CDYL2: variants seen among roughly 807,000 people sequenced by gnomAD.
CDYL2 encodes chromodomain Y like 2, also known as chromodomain Y-like protein 2.
Under a neutral mutation model 49.4 loss-of-function variants are expected in CDYL2, and 23 were observed. The observed-to-expected ratio is 0.47, with a 90% confidence interval of 0.34 to 0.66. The LOEUF is 0.66. Among genes scored for constraint, CDYL2 ranks in the 30% least tolerant of loss-of-function variants. The pLI is 0.01. For synonymous variants in CDYL2, 360 were observed against 268.8 expected, an observed-to-expected ratio of 1.34 and a Z score of -3.32; for missense variants, 678 against 656.4, an observed-to-expected ratio of 1.03 and a Z score of -0.36.
intron 1 of CDYL2, among the ~76,000 whole-genome samples, chr16:80,731,894 T>C (rs976237491): frequency 7.1e-6 from 1 of 141,584 alleles, no homozygotes; most frequent in Non-Finnish European, 1.5e-5. Flanking sequence ...ACCCAACACA[T>C]AAGAGATGCA....
chr16:80,619,963 G>T (rs1046317018), intron 4 of CDYL2, among the ~76,000 whole-genome samples: 1 of 152,174 alleles, frequency 6.6e-6, no homozygotes, highest in African/African-American at 2.4e-5. Context: ...CTGACTTGTG[G>T]CCTGAGGCTC....
At chr16:80,620,408 C>T (rs950608492) in intron 4 of CDYL2, among the ~76,000 whole-genome samples, 5 of 152,106 alleles carry the variant, frequency 3.3e-5, no homozygotes, top group African/African-American at 1.2e-4. Context: ...AGGCAAGGGG[C>T]GGGAGTAGTG....
chr16:80,758,133 G>C (rs572132288), intron 1 of CDYL2, among the ~76,000 whole-genome samples: 149 of 152,156 alleles, frequency 9.8e-4, no homozygotes, highest in Middle Eastern at 6.8e-3. Flanking sequence ...CTTAATTGTT[G>C]GTAAATGTGA....
intron 2 of CDYL2, among the ~76,000 whole-genome samples, chr16:80,645,386 G>A (rs1287309540): frequency 6.6e-6 from 1 of 152,170 alleles, no homozygotes; most frequent in Non-Finnish European, 1.5e-5. Context: ...ATGAAAAAAT[G>A]CTCATCATCA....
intron 3 of CDYL2, among the ~76,000 whole-genome samples, chr16:80,623,883 G>C (rs1305519135): frequency 2.0e-5 from 3 of 152,182 alleles, no homozygotes; most frequent in Non-Finnish European, 4.4e-5. Context: ...TACGGGAGCA[G>C]CAGGAAATGA....
At chr16:80,727,194 T>C (rs933729361) in intron 1 of CDYL2, among the ~76,000 whole-genome samples, 33 of 152,234 alleles carry the variant, frequency 2.2e-4, no homozygotes, top group African/African-American at 7.7e-4. Flanking sequence ...ACCGGGTTCA[T>C]CTCACTAGGG....
At chr16:80,657,691 T>C (rs1908868501) in intron 2 of CDYL2, among the ~76,000 whole-genome samples, 1 of 152,138 alleles carries the variant, frequency 6.6e-6, no homozygotes, top group African/African-American at 2.4e-5. Flanking sequence ...ATTATCTTCA[T>C]TGTGGGGGAG....
chr16:80,742,987 T>C (rs961749605), intron 1 of CDYL2, among the ~76,000 whole-genome samples: 3 of 113,880 alleles, frequency 2.6e-5, no homozygotes, highest in African/African-American at 1.0e-4. Flanking sequence ...GATAGGTGAG[T>C]ACAAAGATGA....
chr16:80,755,916 C>T (rs931449300), intron 1 of CDYL2, among the ~76,000 whole-genome samples: 2 of 152,108 alleles, frequency 1.3e-5, no homozygotes, highest in African/African-American at 4.8e-5. Flanking sequence ...CCTAAAACTG[C>T]TCTAAAATAA....
chr16:80,640,631 G>C (rs1219520182), intron 2 of CDYL2, among the ~76,000 whole-genome samples: 2 of 152,164 alleles, frequency 1.3e-5, no homozygotes, highest in East Asian at 3.8e-4. Flanking sequence ...TGGAGCAAGG[G>C]AGATATGTGA....
chr16:80,659,773 C>T (rs1284219983), intron 2 of CDYL2, among the ~76,000 whole-genome samples: 1 of 151,750 alleles, frequency 6.6e-6, no homozygotes, highest in Non-Finnish European at 1.5e-5. Context: ...AAATATCCTG[C>T]AGATAAGAAT....
intron 2 of CDYL2, among the ~76,000 whole-genome samples, chr16:80,644,519 G>A (rs1330482009): frequency 1.3e-5 from 2 of 152,182 alleles, no homozygotes; most frequent in African/African-American, 4.8e-5. Context: ...GGGAACAAAA[G>A]AGGTTTAATT....
Position 80,599,231 on chromosome 16 carries a change from T to G in CDYL2, c.*5157A>C, listed in dbSNP as rs1905971337. 1 of 152,208 alleles carries G rather than the reference T, an allele frequency of 6.6e-6. No individual in the cohort carries two copies. The highest frequency in any genetic ancestry group is 2.1e-4 in the South Asian group (1 of 4,834). 9.4% of individuals were successfully genotyped at this position (152,208 alleles called of 1,614,324 possible). ...GACTGCCACACACACTGCAAAAATT[T>G]AAAGCAAATCTCCATCTTAATGGCT... On this transcript the variant is annotated 3_prime_UTR_variant, in exon 7 of 7. Transcript: ENST00000570137.
chr16:80,646,727 T>G (rs1351829527), intron 2 of CDYL2, among the ~76,000 whole-genome samples: 1 of 152,080 alleles, frequency 6.6e-6, no homozygotes, highest in African/African-American at 2.4e-5. Flanking sequence ...AGTCAGAGGT[T>G]GCAGTGAGCC....
intron 4 of CDYL2, among the ~76,000 whole-genome samples, chr16:80,618,097 A>T (rs1906911829): frequency 6.6e-6 from 1 of 152,308 alleles, no homozygotes; most frequent in South Asian, 2.1e-4. Flanking sequence ...TTCATGAACT[A>T]GCAACTTCTG....
intron 1 of CDYL2, among the ~76,000 whole-genome samples, chr16:80,720,679 T>C (rs1340414422): frequency 3.3e-5 from 5 of 152,170 alleles, no homozygotes; most frequent in East Asian, 1.9e-4. Context: ...TCAGGGTGCA[T>C]TTTCCTCTTG....
chr16:80,640,862 T>C (rs970666404), intron 2 of CDYL2, among the ~76,000 whole-genome samples: 1 of 152,052 alleles, frequency 6.6e-6, no homozygotes, highest in African/African-American at 2.4e-5. Flanking sequence ...AAGAAAGAAT[T>C]AGTGAGCCTG....
At chr16:80,670,183 G>A (rs1909440687) in intron 2 of CDYL2, among the ~76,000 whole-genome samples, 1 of 152,162 alleles carries the variant, frequency 6.6e-6, no homozygotes. Flanking sequence ...AAATAAAACA[G>A]GAGTGATATG....
intron 3 of CDYL2, among the ~76,000 whole-genome samples, chr16:80,630,114 A>G (rs771854971): frequency 4.7e-4 from 72 of 152,316 alleles, no homozygotes; most frequent in Non-Finnish European, 8.2e-4. Context: ...TAGGACCTTC[A>G]TTACGGGCTG....
Sources: allele counts gnomAD v4.1 joint callset (sites outside exome capture counted in the v4.1 genomes callset), GRCh38; gene constraint gnomAD v4.1.1; transcripts MANE v1.5; gene names NCBI Gene and HGNC (gene_info 2026-07-23, HGNC 2026-07-21).